ERCC1: variants seen among roughly 807,000 people sequenced by gnomAD.
The protein encoded by ERCC1 is DNA excision repair protein ERCC-1.
Under a neutral mutation model 37.6 loss-of-function variants are expected in ERCC1, and 36 were observed. The ratio of observed to expected loss-of-function variants is 0.96; its 90% CI spans 0.73 to 1.26. The LOEUF (loss-of-function observed/expected upper bound fraction) is 1.26, where lower values mean the gene tolerates loss of function less well. Among genes scored for constraint, ERCC1 ranks in the 50% most tolerant of loss-of-function variants. The pLI is 0.00. For missense variants in ERCC1, 349 were observed against 376.5 expected, an observed-to-expected ratio of 0.93 and a Z score of 0.60; for synonymous variants, 156 against 162.1, an observed-to-expected ratio of 0.96 and a Z score of 0.28.
upstream of ERCC1, among the ~76,000 whole-genome samples, chr19:45,426,967 A>C (rs1343150876): frequency 2.0e-5 from 3 of 150,514 alleles, no homozygotes; most frequent in Non-Finnish European, 4.4e-5. Flanking sequence ...TCTAAAAAAA[A>C]AAAAAAAAAA....
intron 1 of ERCC1, among the ~76,000 whole-genome samples, chr19:45,429,463 A>C (rs975429372): frequency 2.6e-5 from 4 of 152,150 alleles, no homozygotes; most frequent in Non-Finnish European, 5.9e-5. Context: ...TCCATCTCAA[A>C]AAAAGAAAGA....
intron 1 of ERCC1, among the ~76,000 whole-genome samples, chr19:45,437,854 A>T (rs1975019905): frequency 6.6e-6 from 1 of 152,042 alleles, no homozygotes; most frequent in East Asian, 1.9e-4. Context: ...TAGAGTTTAA[A>T]TTTTTTAAAT....
At chr19:45,421,719 C>T (rs551901378) in intron 2 of ERCC1, among the ~76,000 whole-genome samples, 5 of 151,748 alleles carry the variant, frequency 3.3e-5, no homozygotes, top group African/African-American at 9.7e-5. Flanking sequence ...CTGCAACCTC[C>T]GCCCCCCAGG....
upstream of ERCC1, among the ~76,000 whole-genome samples, chr19:45,426,023 C>T (rs1446777492): frequency 6.6e-6 from 1 of 151,522 alleles, no homozygotes; most frequent in Non-Finnish European, 1.5e-5. Context: ...GCGGGTGGAT[C>T]ACCTGAGGTC....
At chr19:45,419,611 C>A in intron 4 of ERCC1, 1 of 275,936 alleles carries the variant, frequency 3.6e-6, no homozygotes, top group South Asian at 4.0e-5. Context: ...GGAACTAGGA[C>A]TGGCTCTGCC....
In ERCC1 at chr19:45,414,994, G is replaced by A. The variant is rs1381513663; in HGVS notation, c.603-34C>T. The A allele has an allele frequency of 2.0e-6, 3 of 1,493,366 alleles. No homozygotes were observed. The East Asian group carries it at 6.8e-5, about 34-fold the overall frequency. The allele number at this position is 1,493,366 out of a possible 1,614,324, so 92.5% of individuals were successfully genotyped here. A position where few individuals can be genotyped will look rare whatever the true frequency, so the allele number is the denominator to read the frequency against. ...ACAGGATACAGGGCAGCCGGGAGGT[G>A]AGGTATCAGATTATAGATTTGCTTC... is the stretch of plus-strand genomic sequence containing the variant. On this transcript the variant is annotated intron_variant, in intron 6 of 9. Coordinates refer to ENST00000300853, the MANE Select transcript of ERCC1 (RefSeq NM_001983.4).
rs938769614 is a variant in ERCC1, at chr19:45,408,335, C to A, written c.*1340G>T. 3 of 1,608,706 alleles carry A rather than the reference C, an allele frequency of 1.9e-6. No homozygotes were observed. Among genetic ancestry groups the A allele is most frequent in the Non-Finnish European group, 2.6e-6 (3 of 1,176,278 alleles). On this transcript the variant is annotated 3_prime_UTR_variant, in exon 10 of 10. Transcript: ENST00000300853. ...CCTAAGGATCCTTGAGGGTCCCCAG[C>A]AATCCCTGTCAGGGAGCCCTCTGCA...
chr19:45,435,184 T>C (rs1048773111), intron 1 of ERCC1, among the ~76,000 whole-genome samples: 3 of 152,172 alleles, frequency 2.0e-5, no homozygotes, highest in African/African-American at 7.2e-5. Context: ...CCCAAAGTGC[T>C]GGGATTACAG....
chr19:45,419,284 G>A (rs1974255843), intron 4 of ERCC1, 87 bp from the exon 5 acceptor site: 14 of 944,546 alleles, frequency 1.5e-5, no homozygotes, highest in Non-Finnish European at 2.2e-5. Context: ...AATACTAAGG[G>A]CTCAGAGTAC....
In ERCC1 at chr19:45,418,068, T is replaced by TA. The variant is rs927794645; in HGVS notation, c.525+1029dup. 7.3e-3 allele frequency among the ~76,000 whole-genome samples: 1,077 copies of TA among 147,326 alleles called. 8 individuals carry two copies. Among genetic ancestry groups the TA allele is most frequent in the African/African-American group, 0.025 (993 of 40,286 alleles). On this transcript the variant is annotated intron_variant, in intron 5 of 9. Transcript: ENST00000300853. ...ATAGCAAGACCCTGTCTCTAAAAATTAAAAAAAAAAATCACCTGGTGGGGG... is the reference window on the plus strand; with the variant it reads ...ATAGCAAGACCCTGTCTCTAAAAATTAAAAAAAAAAAATCACCTGGTGGGGG...
At chr19:45,440,294 A>C (rs1975087740) in intron 1 of ERCC1, among the ~76,000 whole-genome samples, 1 of 147,424 alleles carries the variant, frequency 6.8e-6, no homozygotes, top group East Asian at 2.0e-4. Flanking sequence ...AGCCTGTCCT[A>C]CTCCTGTCCC....
At position 45,408,323 on chromosome 19, in the gene ERCC1, G is replaced by A. The variant is rs1475116451; in HGVS notation, c.*1352C>T. On this transcript the variant is annotated 3_prime_UTR_variant, in exon 10 of 10. Transcript: ENST00000300853. ...CCCCCAGGGCACCCTAAGGATCCTT[G>A]AGGGTCCCCAGCAATCCCTGTCAGG... is the stretch of plus-strand genomic sequence containing the variant. The A allele has an allele frequency of 6.2e-7, 1 of 1,610,258 alleles. No individual in the cohort carries two copies. The highest frequency in any genetic ancestry group is 8.5e-7 in the Non-Finnish European group (1 of 1,177,472).
upstream of ERCC1, among the ~76,000 whole-genome samples, chr19:45,428,366 C>T (rs973534479): frequency 6.5e-4 from 99 of 151,966 alleles, no homozygotes; most frequent in Non-Finnish European, 8.7e-4. Flanking sequence ...CCCAAAGTGT[C>T]GGGATTACTG....
In ERCC1 at chr19:45,414,846, G is replaced by C; in HGVS notation, c.702+15C>G. On this transcript the variant is annotated intron_variant, in intron 7 of 9. Coordinates refer to ENST00000300853, the MANE Select transcript of ERCC1 (RefSeq NM_001983.4). ...GGGGAGGCCCAGGCAGGGATGGGAG[G>C]TGAGGTGGCCTCACCCGGGAGACGA... 10 of 1,596,166 alleles carry C rather than the reference G, an allele frequency of 6.3e-6. No individual in the cohort carries two copies. Among genetic ancestry groups the C allele is most frequent in the Non-Finnish European group, 8.6e-6 (10 of 1,163,918 alleles).
chr19:45,411,259 G>A (rs114660541), intron 9 of ERCC1, among the ~76,000 whole-genome samples: 20 of 152,336 alleles, frequency 1.3e-4, no homozygotes, highest in African/African-American at 4.6e-4. Flanking sequence ...ACAAACAGGA[G>A]TGCAGATACC....
At chr19:45,432,035 A>G (rs1005272309) in intron 1 of ERCC1, among the ~76,000 whole-genome samples, 14 of 151,912 alleles carry the variant, frequency 9.2e-5, no homozygotes, top group African/African-American at 3.4e-4. Flanking sequence ...GCAATGGCGC[A>G]ATCTTGGCTC....
At chr19:45,447,695 C>T (rs1056757101) in intron 1 of ERCC1, among the ~76,000 whole-genome samples, 3 of 152,090 alleles carry the variant, frequency 2.0e-5, no homozygotes, top group African/African-American at 2.4e-5. Flanking sequence ...CCTCTAACTG[C>T]CGCAGAATGA....
At chr19:45,440,899 A>G (rs1183343584) in intron 1 of ERCC1, among the ~76,000 whole-genome samples, 1 of 151,976 alleles carries the variant, frequency 6.6e-6, no homozygotes, top group Non-Finnish European at 1.5e-5. Flanking sequence ...ACACCTGGCT[A>G]ATTTTTCATT....
chr19:45,442,036 G>T (rs530682572), intron 1 of ERCC1, among the ~76,000 whole-genome samples: 7 of 151,604 alleles, frequency 4.6e-5, no homozygotes, highest in African/African-American at 1.5e-4. Flanking sequence ...GGCCAGGTGC[G>T]GTGGCTCATG....
Sources: allele counts gnomAD v4.1 joint callset (sites outside exome capture counted in the v4.1 genomes callset), GRCh38; gene constraint gnomAD v4.1.1; transcripts MANE v1.5; gene names NCBI Gene and HGNC (gene_info 2026-07-23, HGNC 2026-07-21).